Variants in PLEKHS1 observed in about 807,000 individuals in gnomAD.
The protein encoded by PLEKHS1 is pleckstrin homology domain containing S1.
Under a neutral mutation model 51.0 loss-of-function variants are expected in PLEKHS1, and 55 were observed. The observed-to-expected ratio is 1.08, with a 90% CI of 0.87 to 1.35. The LOEUF is 1.35. PLEKHS1 is among the 40% of genes most tolerant of loss of function. The pLI is 0.00. For synonymous variants in PLEKHS1, 153 were observed against 144.8 expected (o/e 1.06, Z -0.41); for missense variants, 398 against 423.0 (o/e 0.94, Z 0.52).
chr10:113,754,733 C>T (rs1472881226), intron 1 of PLEKHS1, among the ~76,000 whole-genome samples: 1 of 152,172 alleles, frequency 6.6e-6, no homozygotes, highest in Non-Finnish European at 1.5e-5. Flanking sequence ...ATCTACCCGC[C>T]TCAGCCTCCC....
intron 2 of PLEKHS1, among the ~76,000 whole-genome samples, chr10:113,761,776 T>C (rs1843943334): frequency 1.3e-5 from 2 of 151,990 alleles, no homozygotes; most frequent in Admixed American, 6.5e-5. Flanking sequence ...TTTGGATGCA[T>C]TTTTTAATGT....
At position 113,771,694 on chromosome 10, in the gene PLEKHS1, A is replaced by T. The variant is rs1000690443; in HGVS notation, c.553-276A>T. Among the ~76,000 whole-genome samples the T allele has an allele frequency of 7.3e-5, 11 of 151,354 alleles. No homozygotes were observed. In the East Asian group the frequency reaches 2.1e-3, roughly 29 times the overall value. On this transcript the variant is annotated intron_variant, in intron 7 of 11. Coordinates refer to ENST00000361048, the Ensembl canonical transcript of PLEKHS1. ...TGTCTCAAAAAAAAAAAAAAAAAAAAAGAATACCACCCACAGGAGAAAACC... is the reference window on the plus strand; with the variant it reads ...TGTCTCAAAAAAAAAAAAAAAAAAATAGAATACCACCCACAGGAGAAAACC...
At chr10:113,777,913 C>T (rs1844746670) in intron 11 of PLEKHS1, 1 of 591,418 alleles carries the variant, frequency 1.7e-6, no homozygotes. Context: ...TCAATTGAGC[C>T]CAGGAATTCA....
chr10:113,772,113 C>T (rs780011633), intron 8 of PLEKHS1, 24 bp downstream of exon 8: 3 of 1,609,210 alleles, frequency 1.9e-6, no homozygotes, highest in Non-Finnish European at 2.5e-6. Context: ...GTCCATTCAT[C>T]ATTTGTTTCT....
At chr10:113,758,640 C>T (rs1169459539) in intron 2 of PLEKHS1, among the ~76,000 whole-genome samples, 2 of 152,088 alleles carry the variant, frequency 1.3e-5, no homozygotes, top group Non-Finnish European at 2.9e-5. Context: ...ACTTGACACT[C>T]GCCTTCACTT....
At chr10:113,762,365 C>CTTTTTTTTTTTTTTTTTTTTCTT (rs1843972444) in intron 2 of PLEKHS1, among the ~76,000 whole-genome samples, 5 of 61,768 alleles carry the variant, frequency 8.1e-5, no homozygotes, top group Admixed American at 2.4e-4. Flanking sequence ...AGATTTGTTC[C>CTTTTTTTTTTTTTTTTTTTTCTT]TTTTTTTTTT....
Position 113,770,460 on chromosome 10 carries a change from G to A in PLEKHS1, c.552+560G>A, listed in dbSNP as rs1057152078. Among the ~76,000 whole-genome samples the A allele has an allele frequency of 2.0e-5, 3 of 152,158 alleles. No individual in the cohort carries two copies. In the East Asian group the frequency reaches 5.8e-4, roughly 29 times the overall value. The stretch of plus-strand genomic sequence containing the variant: ...TTGGACCTTCAGCTTTCTTGGATTT[G>A]CAATGTTCCCAACTTGGGATATTAG... On this transcript the variant is annotated intron_variant, in intron 7 of 11. Coordinates refer to ENST00000361048, the Ensembl canonical transcript of PLEKHS1.
At chr10:113,767,674 G>C (rs1215655227) in intron 5 of PLEKHS1, among the ~76,000 whole-genome samples, 195 bp downstream of exon 5, 1 of 152,142 alleles carries the variant, frequency 6.6e-6, no homozygotes, top group African/African-American at 2.4e-5. Context: ...CTATAACAAA[G>C]AACCTCATCC....
At position 113,775,626 on chromosome 10, in the gene PLEKHS1, A is replaced by G. The variant is rs1844614856; in HGVS notation, c.990-139A>G. ...GGATTTTTCAGTAACTTAAATTTAT[A>G]TTATTCTCCAAATGTTTTGAACAAC... On this transcript the variant is annotated intron_variant, in intron 10 of 11. Transcript: ENST00000361048. 8 of 549,678 alleles carry G rather than the reference A, an allele frequency of 1.5e-5. No homozygotes were observed. The South Asian group carries it at 1.9e-4, about 13-fold the overall frequency. The allele number at this position is 549,678 out of a possible 1,614,324, so 34.1% of individuals were successfully genotyped here.
intron 1 of PLEKHS1, 31 bp downstream of exon 1, chr10:113,751,792 C>T (rs987370538): frequency 1.3e-5 from 2 of 152,158 alleles, no homozygotes; most frequent in African/African-American, 2.4e-5. Context: ...CTGGTTTGGA[C>T]TTCCAAGGCT....
intron 11 of PLEKHS1, among the ~76,000 whole-genome samples, chr10:113,779,568 T>G (rs1844806509): frequency 8.7e-6 from 1 of 115,286 alleles, no homozygotes; most frequent in African/African-American, 4.0e-5. Context: ...AGACTCTGTC[T>G]CAAAAAAAAA....
intron 2 of PLEKHS1, among the ~76,000 whole-genome samples, chr10:113,759,821 GCTTA>G (rs1167962354): frequency 6.6e-6 from 1 of 152,132 alleles, no homozygotes; most frequent in Non-Finnish European, 1.5e-5. Context: ...GTTGGAGTAT[GCTTA>G]CTTTTCATTC....
chr10:113,752,637 A>C (rs1298246577), intron 1 of PLEKHS1, among the ~76,000 whole-genome samples: 1 of 152,220 alleles, frequency 6.6e-6, no homozygotes. Context: ...CCAAGATCAC[A>C]TTCCTCATAA....
At chr10:113,779,615 A>G (rs187929598) in intron 11 of PLEKHS1, among the ~76,000 whole-genome samples, 36 of 152,154 alleles carry the variant, frequency 2.4e-4, no homozygotes, top group Admixed American at 2.2e-3. Context: ...CAAGTGGTCA[A>G]TATAAGCTTC....
exon 10 of PLEKHS1, chr10:113,774,927 G>C: frequency 6.2e-7 from 1 of 1,614,136 alleles, no homozygotes; most frequent in Non-Finnish European, 8.5e-7. Context: ...CAAGAACAAG[G>C]CTCAGGAATT....
chr10:113,767,794 T>C (rs1844231048), intron 5 of PLEKHS1, among the ~76,000 whole-genome samples: 1 of 152,084 alleles, frequency 6.6e-6, no homozygotes, highest in Non-Finnish European at 1.5e-5. Flanking sequence ...CAAGGAAAGA[T>C]TTGTTCCAGG....
chr10:113,777,512 A>G, intron 11 of PLEKHS1: 1 of 1,563,392 alleles, frequency 6.4e-7, no homozygotes, highest in South Asian at 1.2e-5. Context: ...TGATGTAGCA[A>G]AAAGAGCTTG....
intron 1 of PLEKHS1, among the ~76,000 whole-genome samples, chr10:113,754,574 G>A (rs1854009231): frequency 6.6e-6 from 1 of 152,114 alleles, no homozygotes; most frequent in South Asian, 2.1e-4. Flanking sequence ...CCGGGTTCAA[G>A]CGACTCTCCT....
At chr10:113,769,848 G>A in exon 7 of PLEKHS1, 1 of 1,614,062 alleles carries the variant, frequency 6.2e-7, no homozygotes, top group Non-Finnish European at 8.5e-7. Flanking sequence ...GGCCCTTCCA[G>A]CACATCAGAG....
Sources: allele counts gnomAD v4.1 joint callset (sites outside exome capture counted in the v4.1 genomes callset), GRCh38; gene constraint gnomAD v4.1.1; transcripts MANE v1.5; gene names NCBI Gene and HGNC (gene_info 2026-07-23, HGNC 2026-07-21).